The following SEMA6A variants were observed in gnomAD, a reference collection of about 807,000 sequenced individuals.
SEMA6A encodes semaphorin 6A.
A neutral mutation model predicts 96.8 loss-of-function variants in SEMA6A; 25 were observed. The observed-to-expected ratio is 0.26, with a 90% CI of 0.19 to 0.36. SEMA6A has a LOEUF of 0.36. SEMA6A is among the 10% of genes least tolerant of loss of function. The pLI is 1.00. For missense variants in SEMA6A, 1,363 were observed against 1,323.1 expected (o/e 1.03, Z -0.47); for synonymous variants, 612 against 518.0 (o/e 1.18, Z -2.46).
chr5:116,539,381 T>A (rs1759863787), intron 1 of SEMA6A, among the ~76,000 whole-genome samples: 1 of 152,222 alleles, frequency 6.6e-6, no homozygotes, highest in African/African-American at 2.4e-5. Flanking sequence ...TCTGACGTGC[T>A]ATGAAAGCAT....
intron 16 of SEMA6A, 94 bp from the exon 17 acceptor site, chr5:116,473,187 C>T: frequency 8.2e-7 from 1 of 1,226,660 alleles, no homozygotes; most frequent in Non-Finnish European, 1.2e-6. Context: ...CAGAACTATG[C>T]CAGCGTATGG....
At chr5:116,504,115 G>A (rs948363260) in intron 2 of SEMA6A, among the ~76,000 whole-genome samples, 5 of 152,014 alleles carry the variant, frequency 3.3e-5, no homozygotes, top group Non-Finnish European at 7.4e-5. Flanking sequence ...CTCACTCAGT[G>A]TTTGTTTTGG....
At chr5:116,573,171 T>A (rs1761301172) in intron 1 of SEMA6A, among the ~76,000 whole-genome samples, 1 of 152,158 alleles carries the variant, frequency 6.6e-6, no homozygotes, top group South Asian at 2.1e-4. Flanking sequence ...GGGTGGGCAC[T>A]GCCCGGCTTA....
intron 1 of SEMA6A, among the ~76,000 whole-genome samples, chr5:116,551,481 T>A (rs1455987242): frequency 6.6e-6 from 1 of 152,224 alleles, no homozygotes; most frequent in Non-Finnish European, 1.5e-5. Context: ...AGGGAATGTA[T>A]ACATATGGAC....
intron 18 of SEMA6A, 100 bp downstream of exon 18, chr5:116,467,483 T>A (rs1755832252): frequency 8.4e-7 from 1 of 1,195,806 alleles, no homozygotes; most frequent in Non-Finnish European, 1.1e-6. Context: ...CATTGGAGGT[T>A]CCTTAAATGC....
chr5:116,551,613 T>C (rs1477377479), intron 1 of SEMA6A, among the ~76,000 whole-genome samples: 3 of 152,078 alleles, frequency 2.0e-5, no homozygotes, highest in Non-Finnish European at 4.4e-5. Flanking sequence ...TAGAGAGTGA[T>C]GGATTTGAAC....
In SEMA6A at chr5:116,505,110, CG is replaced by C. The variant is rs1758080947; in HGVS notation, c.-38-129del. 5.5e-6 allele frequency: 3 copies of C among 549,344 alleles called. No individual in the cohort carries two copies. In the South Asian group the frequency reaches 7.3e-5, roughly 13 times the overall value. The allele number at this position is 549,344 out of a possible 1,614,324, so 34.0% of individuals were successfully genotyped here. On this transcript the variant is annotated intron_variant, in intron 1 of 18. Transcript: ENST00000343348. Reference sequence around the variant, plus strand: ...CTTTACATCTTCTACATGGTAAATTCGTTGATTTTTGTGTTTGGAACTTGTA... The same window carrying C: ...CTTTACATCTTCTACATGGTAAATTCTTGATTTTTGTGTTTGGAACTTGTA...
intron 1 of SEMA6A, chr5:116,536,295 TA>T (rs1025138776): frequency 1.3e-5 from 2 of 151,788 alleles, no homozygotes; most frequent in African/African-American, 4.8e-5. Context: ...ATTGTTTACT[TA>T]CAAACAAAAA....
intron 1 of SEMA6A, among the ~76,000 whole-genome samples, chr5:116,528,832 C>T (rs1417436273): frequency 6.6e-6 from 1 of 152,186 alleles, no homozygotes; most frequent in Non-Finnish European, 1.5e-5. Flanking sequence ...GCCTGATAAT[C>T]ATCCGTTCTA....
intron 17 of SEMA6A, chr5:116,468,484 C>T (rs1176802340): frequency 1.3e-5 from 2 of 152,160 alleles, no homozygotes; most frequent in African/African-American, 4.8e-5. Flanking sequence ...GCTGCGTTGA[C>T]TAAAATGATT....
intron 10 of SEMA6A, 73 bp downstream of exon 10, chr5:116,486,676 A>G (rs1315412409): frequency 1.4e-5 from 17 of 1,245,972 alleles, no homozygotes; most frequent in Non-Finnish European, 2.0e-5. Context: ...AATATGGTTT[A>G]TTAGAAGAGA....
chr5:116,526,321 T>C (rs1759221654), intron 1 of SEMA6A, among the ~76,000 whole-genome samples: 1 of 152,206 alleles, frequency 6.6e-6, no homozygotes, highest in Admixed American at 6.5e-5. Context: ...AAGTCTCCCC[T>C]GATTCCCACT....
chr5:116,563,286 G>A (rs932346028), intron 1 of SEMA6A, among the ~76,000 whole-genome samples: 6 of 152,128 alleles, frequency 3.9e-5, no homozygotes, highest in African/African-American at 1.4e-4. Context: ...AATTTTGATA[G>A]GTAAATTCCT....
intron 12 of SEMA6A, 61 bp downstream of exon 12, chr5:116,480,061 G>A (rs567786937): frequency 1.4e-5 from 22 of 1,571,698 alleles, no homozygotes; most frequent in Non-Finnish European, 1.7e-5. Context: ...TCCACTGATT[G>A]GTTCTCCGAC....
In SEMA6A at chr5:116,497,538, G is replaced by A. The variant is rs115780560; in HGVS notation, c.219-151C>T. Among the ~76,000 whole-genome samples, 492 of 152,312 alleles carry A rather than the reference G, an allele frequency of 3.2e-3. 5 individuals carry two copies. The highest frequency in any genetic ancestry group is 0.011 in the African/African-American group (441 of 41,566). Reference sequence around the variant, plus strand: ...GAAGAAAAGAGCGCAGCCTTCAAGAGATGTCTCCGGATCCCATTTAGCACC... The same window carrying A: ...GAAGAAAAGAGCGCAGCCTTCAAGAAATGTCTCCGGATCCCATTTAGCACC... On this transcript the variant is annotated intron_variant, in intron 3 of 18. Coordinates refer to ENST00000343348, the MANE Select transcript of SEMA6A (RefSeq NM_020796.5).
intron 6 of SEMA6A, among the ~76,000 whole-genome samples, chr5:116,492,789 C>T (rs1295344490): frequency 6.6e-6 from 1 of 152,170 alleles, no homozygotes; most frequent in Non-Finnish European, 1.5e-5. Flanking sequence ...CAACTTGATG[C>T]TTGTGTGCTA....
In SEMA6A at chr5:116,512,843, A is replaced by G. The variant is rs182968209; in HGVS notation, c.-38-7861T>C. ...TAGTCACGACCTTAGTAGGCCTGAA[A>G]GTATTGTGGCAAACTCTGTCTTTAT... On this transcript the variant is annotated intron_variant, in intron 1 of 18. Coordinates refer to ENST00000343348, the MANE Select transcript of SEMA6A (RefSeq NM_020796.5). 2.6e-5 allele frequency among the ~76,000 whole-genome samples: 4 copies of G among 152,302 alleles called. No homozygotes were observed. The East Asian group carries it at 7.7e-4, about 29-fold the overall frequency.
At chr5:116,572,488 G>T (rs193302181) in intron 1 of SEMA6A, among the ~76,000 whole-genome samples, 14 of 152,240 alleles carry the variant, frequency 9.2e-5, no homozygotes, top group Admixed American at 2.0e-4. Flanking sequence ...TTCCTCTCCC[G>T]CTCCACGCAC....
intron 7 of SEMA6A, among the ~76,000 whole-genome samples, chr5:116,491,424 AT>A (rs5870704): frequency 0.7 from 104,260 of 149,898 alleles, 36,198 homozygotes; most frequent in East Asian, 0.76. Context: ...TTTAAATTTA[AT>A]TTTTTTTTTT....
Sources: allele counts gnomAD v4.1 joint callset (sites outside exome capture counted in the v4.1 genomes callset), GRCh38; gene constraint gnomAD v4.1.1; transcripts MANE v1.5; gene names NCBI Gene and HGNC (gene_info 2026-07-23, HGNC 2026-07-21).